Variants in SERGEF observed in about 807,000 individuals in gnomAD.
The protein encoded by SERGEF is secretion-regulating guanine nucleotide exchange factor.
Under a neutral mutation model 50.0 loss-of-function variants are expected in SERGEF, and 51 were observed. That is an observed-to-expected ratio of 1.02 (90% CI 0.81 to 1.29). The LOEUF is 1.29. SERGEF is among the 50% of genes most tolerant of loss of function. The pLI, the probability that SERGEF is intolerant of heterozygous loss-of-function variation, is 0.00. For missense variants in SERGEF, 521 were observed against 557.0 expected (o/e 0.94, Z 0.65); for synonymous variants, 205 against 212.4 (o/e 0.97, Z 0.30).
chr11:17,965,380 A>C (rs921590496), intron 8 of SERGEF, among the ~76,000 whole-genome samples: 23 of 152,280 alleles, frequency 1.5e-4, no homozygotes, highest in African/African-American at 5.1e-4. Flanking sequence ...AGTTTCAGGC[A>C]TTTCTTCACA....
chr11:17,962,632 T>C (rs1175517008), intron 8 of SERGEF, among the ~76,000 whole-genome samples: 1 of 152,162 alleles, frequency 6.6e-6, no homozygotes, highest in Non-Finnish European at 1.5e-5. Context: ...GGCATGTCCA[T>C]GTAAGAATTA....
intron 10 of SERGEF, among the ~76,000 whole-genome samples, chr11:17,789,248 T>C (rs935288657): frequency 6.6e-6 from 1 of 152,216 alleles, no homozygotes; most frequent in African/African-American, 2.4e-5. Context: ...TCTTCCCTCA[T>C]GAGGATCTGG....
At chr11:17,868,823 C>A (rs1295694447) in intron 10 of SERGEF, among the ~76,000 whole-genome samples, 2 of 152,202 alleles carry the variant, frequency 1.3e-5, no homozygotes, top group South Asian at 2.1e-4. Flanking sequence ...CAGGGAAACT[C>A]CCCTTTTTAA....
chr11:17,798,709 G>A (rs1009789590), intron 10 of SERGEF, among the ~76,000 whole-genome samples: 6 of 152,234 alleles, frequency 3.9e-5, no homozygotes, highest in Non-Finnish European at 4.4e-5. Context: ...AGAACTGCTG[G>A]CTTTCTGGGC....
rs373965731 is a variant in SERGEF, at chr11:17,811,466, T to C, written c.1049-23053A>G. The stretch of plus-strand genomic sequence containing the variant: ...CTAAGGCTCCAAGCTAAGAAGCCAC[T>C]TGCTTGTCAGATCATATCAAGCACA... On this transcript the variant is annotated intron_variant, in intron 10 of 10. Coordinates refer to ENST00000265965, the MANE Select transcript of SERGEF (RefSeq NM_012139.4). 5.9e-5 allele frequency among the ~76,000 whole-genome samples: 9 copies of C among 152,368 alleles called. No homozygotes were observed. The East Asian group carries it at 1.7e-3, about 29-fold the overall frequency.
At chr11:17,914,620 AAG>A (rs1043041715) in intron 9 of SERGEF, among the ~76,000 whole-genome samples, 11 of 152,108 alleles carry the variant, frequency 7.2e-5, no homozygotes, top group African/African-American at 2.7e-4. Flanking sequence ...TTTATGGAGA[AAG>A]AGTGAGAGAA....
At chr11:17,903,877 G>A (rs1851791975) in intron 9 of SERGEF, among the ~76,000 whole-genome samples, 1 of 152,202 alleles carries the variant, frequency 6.6e-6, no homozygotes, top group Non-Finnish European at 1.5e-5. Flanking sequence ...AGGGAAAGGG[G>A]AGTCTCCACT....
intron 10 of SERGEF, among the ~76,000 whole-genome samples, chr11:17,863,215 G>A (rs1850958053): frequency 6.6e-6 from 1 of 152,180 alleles, no homozygotes; most frequent in African/African-American, 2.4e-5. Flanking sequence ...AATAGTGTCA[G>A]CACTTTGTAC....
At chr11:18,006,502 G>T in intron 3 of SERGEF, 89 bp downstream of exon 3, 1 of 1,289,812 alleles carries the variant, frequency 7.8e-7, no homozygotes, top group Non-Finnish European at 1.1e-6. Flanking sequence ...AACACAAAGA[G>T]GCTTTCATTT....
intron 10 of SERGEF, among the ~76,000 whole-genome samples, chr11:17,838,629 G>T (rs1010751648): frequency 6.6e-6 from 1 of 152,054 alleles, no homozygotes; most frequent in Admixed American, 6.5e-5. Flanking sequence ...GCTCAGACAG[G>T]GAAAGCTACT....
At chr11:17,890,751 C>G (rs1157619850) in intron 9 of SERGEF, among the ~76,000 whole-genome samples, 1 of 152,040 alleles carries the variant, frequency 6.6e-6, no homozygotes, top group Non-Finnish European at 1.5e-5. Flanking sequence ...TCATTCTCCA[C>G]TAAAAAATTA....
chr11:17,807,110 CCT>C (rs1324633611), intron 10 of SERGEF, among the ~76,000 whole-genome samples: 1 of 152,158 alleles, frequency 6.6e-6, no homozygotes, highest in African/African-American at 2.4e-5. Context: ...GAATGGCTCC[CCT>C]GTCTCCACAA....
chr11:17,934,312 A>G (rs1384642123), intron 9 of SERGEF, among the ~76,000 whole-genome samples: 2 of 152,208 alleles, frequency 1.3e-5, no homozygotes, highest in African/African-American at 4.8e-5. Context: ...ATTAATGGAT[A>G]TTAAAATTCA....
At position 17,829,643 on chromosome 11, in the gene SERGEF, TCCAACAACTACTAA is replaced by T. The variant is rs1291052981; in HGVS notation, c.1049-41244_1049-41231del. Among the ~76,000 whole-genome samples, 15 of 152,018 alleles carry T rather than the reference TCCAACAACTACTAA, an allele frequency of 9.9e-5. No individual in the cohort carries two copies. In the South Asian group the frequency reaches 2.9e-3, roughly 30 times the overall value. ...TCTCCCCACACCACCCAAAAAAAAA[TCCAACAACTACTAA>T]CCAACAAACTGCAACACTCCTCCTA... is the stretch of plus-strand genomic sequence containing the variant. On this transcript the variant is annotated intron_variant, in intron 10 of 10. Coordinates refer to ENST00000265965, the MANE Select transcript of SERGEF (RefSeq NM_012139.4).
At chr11:17,902,833 G>A (rs1399653192) in intron 9 of SERGEF, among the ~76,000 whole-genome samples, 1 of 152,168 alleles carries the variant, frequency 6.6e-6, no homozygotes, top group Non-Finnish European at 1.5e-5. Flanking sequence ...TAGAAGACAA[G>A]GGACAAGGGA....
chr11:17,937,781 T>C (rs146027048), intron 9 of SERGEF, among the ~76,000 whole-genome samples: 4 of 152,198 alleles, frequency 2.6e-5, no homozygotes, highest in African/African-American at 7.2e-5. Context: ...AATGGAATCT[T>C]TGGGGAGAGA....
intron 9 of SERGEF, among the ~76,000 whole-genome samples, chr11:17,899,078 T>C (rs1206335335): frequency 6.6e-6 from 1 of 152,204 alleles, no homozygotes; most frequent in Non-Finnish European, 1.5e-5. Context: ...ACTATGATTG[T>C]AAGTTTCCTC....
chr11:17,859,900 T>A (rs1850895908), intron 10 of SERGEF, among the ~76,000 whole-genome samples: 1 of 152,214 alleles, frequency 6.6e-6, no homozygotes, highest in Non-Finnish European at 1.5e-5. Context: ...AAAAAATTTA[T>A]CTTCAACTCC....
intron 10 of SERGEF, among the ~76,000 whole-genome samples, chr11:17,828,849 A>G (rs977043427): frequency 2.0e-5 from 3 of 152,104 alleles, no homozygotes; most frequent in Non-Finnish European, 1.5e-5. Flanking sequence ...GAGTCCCTAC[A>G]GGCTCATCAA....
Sources: gnomAD v4.1 joint callset for allele counts (sites outside exome capture counted in the v4.1 genomes callset) on GRCh38, gnomAD v4.1.1 for gene constraint, MANE v1.5 for transcripts, NCBI Gene and HGNC (gene_info 2026-07-23, HGNC 2026-07-21) for gene names.